MARK3: variants seen among roughly 807,000 people sequenced by gnomAD.
MARK3 encodes the protein microtubule affinity regulating kinase 3, also known as MAP/microtubule affinity-regulating kinase 3.
A neutral mutation model predicts 90.1 loss-of-function variants in MARK3; 46 were observed. The ratio of observed to expected loss-of-function variants is 0.51; its 90% CI spans 0.40 to 0.65. The LOEUF (loss-of-function observed/expected upper bound fraction) is 0.65, where lower values mean the gene tolerates loss of function less well. MARK3 is among the 30% of genes least tolerant of loss of function. MARK3 has a pLI of 0.00. For synonymous variants in MARK3, 321 were observed against 332.6 expected (o/e 0.97, Z 0.38); for missense variants, 818 against 947.2 (o/e 0.86, Z 1.79).
intron 2 of MARK3, among the ~76,000 whole-genome samples, chr14:103,408,916 T>A (rs1193719804): frequency 6.6e-6 from 1 of 152,166 alleles, no homozygotes; most frequent in African/African-American, 2.4e-5. Context: ...GGAGCTGTCC[T>A]TGTTGTCCTT....
In MARK3 at chr14:103,503,405, A is replaced by G. The variant is rs1331731700; in HGVS notation, c.*178A>G. On this transcript the variant is annotated 3_prime_UTR_variant, in exon 18 of 18. Coordinates refer to ENST00000429436, the MANE Select transcript of MARK3 (RefSeq NM_001128918.3). Reference sequence around the variant, plus strand: ...GGCCTTTTTTCTACGAATGCACTACATTAAAGATGTGCAACCTATGCGCCC... The same window carrying G: ...GGCCTTTTTTCTACGAATGCACTACGTTAAAGATGTGCAACCTATGCGCCC... The G allele has an allele frequency of 4.8e-6, 3 of 625,492 alleles. No homozygotes were observed. The highest frequency in any genetic ancestry group is 6.2e-5 in the Admixed American group (2 of 32,382). 38.7% of individuals were successfully genotyped at this position (625,492 alleles called of 1,614,324 possible). A position where few individuals can be genotyped will look rare whatever the true frequency, so the allele number is the denominator to read the frequency against.
At chr14:103,461,605 C>T (rs894798103) in intron 6 of MARK3, among the ~76,000 whole-genome samples, 1 of 152,168 alleles carries the variant, frequency 6.6e-6, no homozygotes, top group African/African-American at 2.4e-5. Context: ...CCATGATCCA[C>T]ATCAGTTAGA....
intron 2 of MARK3, among the ~76,000 whole-genome samples, chr14:103,405,543 G>A (rs762346697): frequency 5.9e-5 from 9 of 151,892 alleles, no homozygotes; most frequent in Admixed American, 4.6e-4. Flanking sequence ...GGGTTTCACC[G>A]TGTTAGCCAG....
chr14:103,389,545 A>AAAAAAAAAAAAAAAAC (rs2090074773), intron 1 of MARK3, among the ~76,000 whole-genome samples: 1 of 145,756 alleles, frequency 6.9e-6, no homozygotes, highest in Non-Finnish European at 1.5e-5. Context: ...AAAAAAAAAA[A>AAAAAAAAAAAAAAAAC]AAAGCAGACA....
intron 3 of MARK3, among the ~76,000 whole-genome samples, chr14:103,448,499 C>A (rs1383009834): frequency 6.6e-6 from 1 of 152,144 alleles, no homozygotes; most frequent in Non-Finnish European, 1.5e-5. Flanking sequence ...TTGGAATTAT[C>A]AGTTTAATAT....
At chr14:103,466,285 A>G in intron 9 of MARK3, 58 bp from the exon 10 acceptor site, 1 of 1,373,372 alleles carries the variant, frequency 7.3e-7, no homozygotes, top group Non-Finnish European at 1.0e-6. Context: ...TTTTGTAAAT[A>G]TTACGGTTAT....
chr14:103,428,465 CT>C (rs1595625983), intron 3 of MARK3, 25 bp downstream of exon 3: 2 of 1,418,582 alleles, frequency 1.4e-6, no homozygotes, highest in East Asian at 5.0e-5. Flanking sequence ...ATGTCTAGTA[CT>C]TTTTAAAAAA....
chr14:103,405,131 G>T lies in MARK3; in HGVS notation c.107G>T (p.Gly36Val). 1.2e-6 allele frequency: 2 copies of T among 1,614,002 alleles called. No homozygotes were observed. Among genetic ancestry groups the T allele is most frequent in the Non-Finnish European group, 1.7e-6 (2 of 1,179,988 alleles). ...GTTACCTCTCGTACCAGCCGCTCAG[G>T]AGCTCGGTGTAGAAACTCTATAGCC... is the stretch of plus-strand genomic sequence containing the variant. Reference protein sequence around the residue: ...QEVTSRTSRSGARCRNSIASC... With the variant: ...QEVTSRTSRSVARCRNSIASC... Residue 36 changes from glycine to valine, a missense_variant, in exon 2 of 18, where the codon GGA (glycine) becomes GTA (valine). Coordinates refer to ENST00000429436, the MANE Select transcript of MARK3 (RefSeq NM_001128918.3).
chr14:103,474,506 A>ACTACACCTTCCCCTGTCT (rs1555397876), intron 12 of MARK3, among the ~76,000 whole-genome samples: 2 of 152,096 alleles, frequency 1.3e-5, no homozygotes, highest in Admixed American at 6.6e-5. Flanking sequence ...TGTCTACTCA[A>ACTACACCTTCCCCTGTCT]ACTCCGGTTT....
chr14:103,450,916 G>GTTTT (rs1358062005), intron 4 of MARK3, among the ~76,000 whole-genome samples: 2 of 58,130 alleles, frequency 3.4e-5, no homozygotes, highest in African/African-American at 5.9e-5. Flanking sequence ...GTGTGTGTGT[G>GTTTT]TATTCTTTTT....
chr14:103,425,427 T>C (rs939231685), intron 2 of MARK3, among the ~76,000 whole-genome samples: 1 of 151,256 alleles, frequency 6.6e-6, no homozygotes, highest in African/African-American at 2.4e-5. Context: ...CAAGCTCAGC[T>C]AATTTTTGTA....
In MARK3 at chr14:103,492,022, A is replaced by G; in HGVS notation, c.1832A>G (p.Lys611Arg). The G allele has an allele frequency of 6.2e-7, 1 of 1,614,180 alleles. No individual in the cohort carries two copies. The highest frequency in any genetic ancestry group is 1.1e-5 in the South Asian group (1 of 91,082). Residue 611 changes from lysine (K) to arginine (R), a missense_variant, in exon 15 of 18, where the codon AAA becomes AGA. Coordinates refer to ENST00000429436, the MANE Select transcript of MARK3 (RefSeq NM_001128918.3). ...STNLFSKLTS[K>R]LTRRNMSFRF... ...AATCTCTTTAGTAAATTAACTTCAA[A>G]ACTCACAAGGAGGTAAGTGCTAGGT...
chr14:103,449,760 A>T (rs2093086818), intron 4 of MARK3, among the ~76,000 whole-genome samples: 1 of 152,232 alleles, frequency 6.6e-6, no homozygotes, highest in African/African-American at 2.4e-5. Context: ...GCATTGTAAT[A>T]GGGCTTTTAA....
At chr14:103,419,268 G>C (rs2092101771) in intron 2 of MARK3, among the ~76,000 whole-genome samples, 1 of 152,162 alleles carries the variant, frequency 6.6e-6, no homozygotes, top group South Asian at 2.1e-4. Flanking sequence ...TCCAGCCTGG[G>C]TGACAGAGCG....
At position 103,464,705 on chromosome 14, in the gene MARK3, T is replaced by C. The variant is rs188997665; in HGVS notation, c.541-852T>C. Among the ~76,000 whole-genome samples, 96 of 152,288 alleles carry C rather than the reference T, an allele frequency of 6.3e-4. No individual in the cohort carries two copies. The East Asian group carries it at 0.017, about 27-fold the overall frequency. On this transcript the variant is annotated intron_variant, in intron 7 of 17. Transcript: ENST00000429436. The stretch of plus-strand genomic sequence containing the variant: ...AAATGCCCCTTTTTAAAAAAAGTTA[T>C]TTATGTTTTGAGACAGGGTTTTACT...
In MARK3 at chr14:103,457,188, A is replaced by G. The variant is rs1454675620; in HGVS notation, c.459A>G (p.Lys153=). 9 of 1,609,888 alleles carry G rather than the reference A, an allele frequency of 5.6e-6. No individual in the cohort carries two copies. The highest frequency in any genetic ancestry group is 1.7e-5 in the Admixed American group (1 of 59,992). The part of the protein sequence containing the change: ...YLVAHGRMKE[K]EARSKFRQIV... ...TTGCACATGGCAGGATGAAGGAAAA[A>G]GAAGCAAGATCTAAATTTAGACAGG... Residue 153 remains lysine (K), a synonymous_variant, in exon 6 of 18, where the codon AAA becomes AAG. Transcript: ENST00000429436.
chr14:103,491,724 T>A, intron 14 of MARK3, 53 bp from the exon 15 acceptor site: 1 of 1,582,384 alleles, frequency 6.3e-7, no homozygotes, highest in Non-Finnish European at 8.6e-7. Context: ...ATATTGTGAC[T>A]GTAAATTTTT....
chr14:103,498,523 C>T lies in MARK3; in HGVS notation c.1866C>T (p.Ile622=), dbSNP rs1263788578. The change falls in exon 16 of 18, where the codon ATC becomes ATT. Residue 622 remains isoleucine, a synonymous_variant. Transcript: ENST00000429436. The stretch of plus-strand genomic sequence containing the variant: ...TTAGAAACATGTCATTCAGGTTTAT[C>T]AAAAGGTAGGATTTATATATACACA... ...LTRRNMSFRF[I]KRLPTEYERN... 6.0e-6 allele frequency: 8 copies of T among 1,341,454 alleles called. No homozygotes were observed. In the Admixed American group the frequency reaches 1.7e-4, roughly 29 times the overall value. The allele number at this position is 1,341,454 out of a possible 1,614,324, so 83.1% of individuals were successfully genotyped here.
chr14:103,491,820 A>G lies in MARK3; in HGVS notation c.1630A>G (p.Ile544Val). 1.2e-6 allele frequency: 2 copies of G among 1,614,158 alleles called. No homozygotes were observed. Among genetic ancestry groups the G allele is most frequent in the Non-Finnish European group, 1.7e-6 (2 of 1,180,018 alleles). The part of the protein sequence containing the change: ...QRTPVASTHS[I>V]SSAATPDRIR... ...AACTCCAGTTGCTTCAACACACAGT[A>G]TCAGTAGTGCAGCCACCCCAGATCG... is the stretch of plus-strand genomic sequence containing the variant. The change falls in exon 15 of 18, where the codon ATC (isoleucine) becomes GTC (valine). Residue 544 changes from isoleucine (I) to valine (V), a missense_variant. Physicochemically the swap from Ile to Val is conservative, Grantham distance 29. This residue lies in a region of MARK3 where 560 missense variants were observed against 613.5 expected (regional missense o/e 0.91). Transcript: ENST00000429436.
Sources: gnomAD v4.1 joint callset for allele counts (sites outside exome capture counted in the v4.1 genomes callset) on GRCh38, gnomAD v4.1.1 for gene constraint, gnomAD v4.1.1 regional missense constraint, MANE v1.5 for transcripts, NCBI Gene and HGNC (gene_info 2026-07-23, HGNC 2026-07-21) for gene names.